Variants in ZNF620 observed in about 807,000 individuals in gnomAD.
The protein encoded by ZNF620 is zinc finger protein 620.
ZNF620 carries 10 observed loss-of-function variants against 13.3 expected under a neutral mutation model. That is an observed-to-expected ratio of 0.75 (90% confidence interval 0.46 to 1.28). The LOEUF (loss-of-function observed/expected upper bound fraction) is 1.28. Among genes scored for constraint, ZNF620 ranks in the 50% most tolerant of loss-of-function variants. The pLI is 0.00. For synonymous variants in ZNF620, 166 were observed against 177.6 expected (o/e 0.93, Z 0.52); for missense variants, 461 against 500.2 (o/e 0.92, Z 0.75).
intron 4 of ZNF620, 40 bp from the exon 5 acceptor site, chr3:40,515,819 TG>T: frequency 2.8e-4 from 183 of 651,360 alleles, no homozygotes; most frequent in Non-Finnish European, 3.8e-4. Flanking sequence ...TGTGTGTGTG[TG>T]ATATCAGGGA....
In ZNF620 at chr3:40,511,342, C is replaced by T. The variant is rs116124812; in HGVS notation, c.25-128C>T. Reference sequence around the variant, plus strand: ...TGGTGCGGGCAAAGATGGCTGAGGGCTGGCCTCATGGTGGAGTGCTGGATA... The same window carrying T: ...TGGTGCGGGCAAAGATGGCTGAGGGTTGGCCTCATGGTGGAGTGCTGGATA... On this transcript the variant is annotated intron_variant, in intron 2 of 4. Transcript: ENST00000314529. The T allele has an allele frequency of 6.9e-6, 9 of 1,312,734 alleles. No homozygotes were observed. In the Admixed American group the frequency reaches 2.0e-4, roughly 30 times the overall value. The allele number at this position is 1,312,734 out of a possible 1,614,324, so 81.3% of individuals were successfully genotyped here. A position where few individuals can be genotyped will look rare whatever the true frequency, so the allele number is the denominator to read the frequency against.
In ZNF620 at chr3:40,506,296, C is replaced by G; in HGVS notation, c.-49-8C>G. On this transcript the variant is annotated splice_polypyrimidine_tract_variant and splice_region_variant and intron_variant, in intron 1 of 4. Transcript: ENST00000314529. ...AATCTCACCGGTGCTTCTTTATTTTCTCTTCAGTTTCACTTCTCCGAACCC... is the reference window on the plus strand; with the variant it reads ...AATCTCACCGGTGCTTCTTTATTTTGTCTTCAGTTTCACTTCTCCGAACCC... The G allele has an allele frequency of 6.2e-7, 1 of 1,611,998 alleles. No individual in the cohort carries two copies. Among genetic ancestry groups the G allele is most frequent in the Non-Finnish European group, 8.5e-7 (1 of 1,178,728 alleles).
At chr3:40,511,251 G>A (rs1371050316) in intron 2 of ZNF620, among the ~76,000 whole-genome samples, 3 of 152,096 alleles carry the variant, frequency 2.0e-5, no homozygotes, top group African/African-American at 7.2e-5. Flanking sequence ...GAGATCAGCA[G>A]ATGAAAATAG....
intron 2 of ZNF620, among the ~76,000 whole-genome samples, chr3:40,509,862 T>C (rs925919498): frequency 1.5e-4 from 23 of 152,206 alleles, no homozygotes; most frequent in African/African-American, 5.5e-4. Context: ...TAGGGAATTA[T>C]AGGGCTCACT....
intron 4 of ZNF620, among the ~76,000 whole-genome samples, chr3:40,513,914 G>A (rs1396904038): frequency 1.3e-5 from 2 of 152,224 alleles, no homozygotes; most frequent in African/African-American, 2.4e-5. Context: ...CCGGGACAGG[G>A]CCACCAGAGG....
chr3:40,511,054 C>G (rs974244080), intron 2 of ZNF620, among the ~76,000 whole-genome samples: 1 of 152,184 alleles, frequency 6.6e-6, no homozygotes, highest in African/African-American at 2.4e-5. Flanking sequence ...TGCTTTGACT[C>G]TTCTCTTGGG....
In ZNF620 at chr3:40,515,867, G is replaced by A; in HGVS notation, c.273G>A (p.Glu91=). 3 of 1,607,856 alleles carry A rather than the reference G, an allele frequency of 1.9e-6. No homozygotes were observed. The highest frequency in any genetic ancestry group is 2.5e-6 in the Non-Finnish European group (3 of 1,176,742). Residue 91 remains glutamate (E), a synonymous_variant, in exon 5 of 5, where the codon GAG becomes GAA. Transcript: ENST00000314529. ...ATTTTCTTTTTGTGATAGGGGATGA[G>A]GCCAGAACTGAGAAGGAAGGATTAA... The part of the protein sequence containing the change: ...EALRGICPGD[E]ARTEKEGLTP...
At position 40,516,995 on chromosome 3, in the gene ZNF620, A is replaced by G. The variant is rs1210084489; in HGVS notation, c.*132A>G. ...ATGAACTCTTCTTTAAGTTTTTTGA[A>G]CCTGTTTCCCCAACATGAAGTCTCT... On this transcript the variant is annotated 3_prime_UTR_variant, in exon 5 of 5. Transcript: ENST00000314529. The G allele has an allele frequency of 1.0e-6, 1 of 991,716 alleles. No individual in the cohort carries two copies. Among genetic ancestry groups the G allele is most frequent in the Non-Finnish European group, 1.4e-6 (1 of 695,708 alleles). The allele number at this position is 991,716 out of a possible 1,614,324, so 61.4% of individuals were successfully genotyped here. A position where few individuals can be genotyped will look rare whatever the true frequency, so the allele number is the denominator to read the frequency against.
chr3:40,511,535 T>C lies in ZNF620; in HGVS notation c.90T>C (p.Ser30=). 2.5e-6 allele frequency: 4 copies of C among 1,613,946 alleles called. No homozygotes were observed. The highest frequency in any genetic ancestry group is 3.4e-6 in the Non-Finnish European group (4 of 1,179,890). Residue 30 remains serine (S), a synonymous_variant, in exon 3 of 5, where the codon TCT becomes TCC. Coordinates refer to ENST00000314529, the MANE Select transcript of ZNF620 (RefSeq NM_175888.4). ...AGAATGAATGGGCCAGCCTGGACTCTGTGCAGAGGGCCCTGTACAGGGAAG... is the reference window on the plus strand; with the variant it reads ...AGAATGAATGGGCCAGCCTGGACTCCGTGCAGAGGGCCCTGTACAGGGAAG... The part of the protein sequence containing the change: ...FTQNEWASLD[S]VQRALYREVM...
chr3:40,516,980 CT>C lies in ZNF620; in HGVS notation c.*120del. Reference sequence around the variant, plus strand: ...CACTTGGCTTTCATCATGAACTCTTCTTTAAGTTTTTTGAACCTGTTTCCCC... The same window carrying C: ...CACTTGGCTTTCATCATGAACTCTTCTTAAGTTTTTTGAACCTGTTTCCCC... On this transcript the variant is annotated 3_prime_UTR_variant, in exon 5 of 5. Coordinates refer to ENST00000314529, the MANE Select transcript of ZNF620 (RefSeq NM_175888.4). The C allele has an allele frequency of 8.2e-7, 1 of 1,221,970 alleles. No homozygotes were observed. Among genetic ancestry groups the C allele is most frequent in the Non-Finnish European group, 1.1e-6 (1 of 897,044 alleles). The allele number at this position is 1,221,970 out of a possible 1,614,324, so 75.7% of individuals were successfully genotyped here. A position where few individuals can be genotyped will look rare whatever the true frequency, so the allele number is the denominator to read the frequency against.
rs879244060 is a variant in ZNF620 at position 40,506,107 on chromosome 3, C to T, written c.-81C>T. On this transcript the variant is annotated 5_prime_UTR_variant, in exon 1 of 5. Transcript: ENST00000314529. ...ATCTGCGCCTGCGCCGCGCGGGATTCGCGGTCCGAGCTGAAGAGGTTCGCG... is the reference window on the plus strand; with the variant it reads ...ATCTGCGCCTGCGCCGCGCGGGATTTGCGGTCCGAGCTGAAGAGGTTCGCG... 1.4e-5 allele frequency: 8 copies of T among 585,282 alleles called. No homozygotes were observed. The highest frequency in any genetic ancestry group is 9.9e-5 in the South Asian group (5 of 50,752). The allele number at this position is 585,282 out of a possible 1,614,324, so 36.3% of individuals were successfully genotyped here. A position where few individuals can be genotyped will look rare whatever the true frequency, so the allele number is the denominator to read the frequency against.
chr3:40,514,728 C>T (rs187323336), intron 4 of ZNF620, among the ~76,000 whole-genome samples: 3 of 152,270 alleles, frequency 2.0e-5, no homozygotes, highest in Admixed American at 6.5e-5. Flanking sequence ...GCCAAGATTG[C>T]ACCACCACAC....
chr3:40,507,997 C>T (rs1351349860), intron 2 of ZNF620, among the ~76,000 whole-genome samples: 1 of 152,090 alleles, frequency 6.6e-6, no homozygotes, highest in East Asian at 1.9e-4. Flanking sequence ...AGAAATTATT[C>T]ACATAAAGTT....
At chr3:40,510,083 C>T (rs1698148421) in intron 2 of ZNF620, among the ~76,000 whole-genome samples, 3 of 151,484 alleles carry the variant, frequency 2.0e-5, no homozygotes, top group South Asian at 2.1e-4. Flanking sequence ...TACAGTAGCA[C>T]GATCACGGCT....
At chr3:40,515,820 G>GTGTGGT in intron 4 of ZNF620, 40 bp from the exon 5 acceptor site, 1 of 1,233,314 alleles carries the variant, frequency 8.1e-7, no homozygotes, top group South Asian at 1.5e-5. Context: ...GTGTGTGTGT[G>GTGTGGT]ATATCAGGGA....
Position 40,516,240 on chromosome 3 carries a change from A to C in ZNF620, c.646A>C (p.Lys216Gln), listed in dbSNP as rs566679076. The C allele has an allele frequency of 6.2e-7, 1 of 1,614,108 alleles. No individual in the cohort carries two copies. Among genetic ancestry groups the C allele is most frequent in the African/African-American group, 1.3e-5 (1 of 75,066 alleles). The change falls in exon 5 of 5, where the codon AAA (lysine) becomes CAA (glutamine). Residue 216 changes from lysine to glutamine, a missense_variant. Coordinates refer to ENST00000314529, the MANE Select transcript of ZNF620 (RefSeq NM_175888.4). ...IQMADFHRHE[K>Q]CHTGEKSFEC... ...AATGGCAGACTTCCACCGACATGAG[A>C]AATGTCACACTGGTGAAAAGTCTTT...
rs1215315829 is a variant in ZNF620, at chr3:40,511,584, G to A, written c.139G>A (p.Val47Met). 2 of 1,613,114 alleles carry A rather than the reference G, an allele frequency of 1.2e-6. No homozygotes were observed. Among genetic ancestry groups the A allele is most frequent in the Admixed American group, 1.7e-5 (1 of 59,790 alleles). The stretch of plus-strand genomic sequence containing the variant: ...AGTGATGCTGGAGAATTATGCAAAT[G>A]TGGCTTCCCTGGGTAAGACATTTCT... The part of the protein sequence containing the change: ...REVMLENYAN[V>M]ASLAFPFTTP... The change falls in exon 3 of 5, where the codon GTG (valine) becomes ATG (methionine). Residue 47 changes from valine to methionine, a missense_variant. Coordinates refer to ENST00000314529, the MANE Select transcript of ZNF620 (RefSeq NM_175888.4).
At chr3:40,511,349 C>A in intron 2 of ZNF620, 121 bp from the exon 3 acceptor site, 1 of 1,375,266 alleles carries the variant, frequency 7.3e-7, no homozygotes, top group African/African-American at 1.4e-5. Context: ...GGGCTGGCCT[C>A]ATGGTGGAGT....
Position 40,515,777 on chromosome 3 carries a change from ATATTG to A in ZNF620, c.266-81_266-77del, listed in dbSNP as rs1204818568. 27 of 1,344,296 alleles carry A rather than the reference ATATTG, an allele frequency of 2.0e-5. 1 individual carries two copies. The highest frequency in any genetic ancestry group is 2.9e-5 in the South Asian group (2 of 68,618). The allele number at this position is 1,344,296 out of a possible 1,614,324, so 83.3% of individuals were successfully genotyped here. Reference sequence around the variant, plus strand: ...TGATTCTGTTTCTTCTTCAGCACAGATATTGTGTGTGTGTGTGTGTGTGTGTGTGT... The same window carrying A: ...TGATTCTGTTTCTTCTTCAGCACAGATGTGTGTGTGTGTGTGTGTGTGTGT... On this transcript the variant is annotated intron_variant, in intron 4 of 4. Coordinates refer to ENST00000314529, the MANE Select transcript of ZNF620 (RefSeq NM_175888.4).
Sources: gnomAD v4.1 joint callset for allele counts (sites outside exome capture counted in the v4.1 genomes callset) on GRCh38, gnomAD v4.1.1 for gene constraint, MANE v1.5 for transcripts, NCBI Gene and HGNC (gene_info 2026-07-23, HGNC 2026-07-21) for gene names.